The following A2ML1 variants were observed in gnomAD, a reference collection of about 807,000 sequenced individuals.
A2ML1 encodes alpha-2-macroglobulin like 1.
In A2ML1, 161 loss-of-function variants were observed where a neutral mutation model predicts 181.9. The ratio of observed to expected loss-of-function variants is 0.89; its 90% CI spans 0.78 to 1.01. A2ML1 has a LOEUF of 1.01. Among genes scored for constraint, A2ML1 ranks in the 50% least tolerant of loss-of-function variants. The pLI, the probability that A2ML1 is intolerant of heterozygous loss-of-function variation, is 0.00. For synonymous variants in A2ML1, 663 were observed against 666.8 expected, an observed-to-expected ratio of 0.99 and a Z score of 0.09; for missense variants, 1,670 against 1,768.1, an observed-to-expected ratio of 0.94 and a Z score of 1.00.
Position 8,823,269 on chromosome 12 carries a change from T to C in A2ML1, c.150T>C (p.Val50=), listed in dbSNP as rs1347085874. 1 of 1,614,160 alleles carries C rather than the reference T, an allele frequency of 6.2e-7. No homozygotes were observed. The highest frequency in any genetic ancestry group is 2.2e-5 in the East Asian group (1 of 44,876). The change falls in exon 2 of 36, where the codon GTT becomes GTC. Residue 50 remains valine (V), a synonymous_variant. Transcript: ENST00000299698. ...CLDLSPGYSD[V]KFTVTLETKD... is the part of the protein sequence containing the mutation. ...ACCTGAGCCCTGGGTACAGTGATGTTAAATTCACGGTTACTCTGGAGACCA... is the reference window on the plus strand; with the variant it reads ...ACCTGAGCCCTGGGTACAGTGATGTCAAATTCACGGTTACTCTGGAGACCA...
chr12:8,854,385 T>C, intron 21 of A2ML1, 136 bp downstream of exon 21: 1 of 1,355,808 alleles, frequency 7.4e-7, no homozygotes. Flanking sequence ...CCCTGGCCCC[T>C]TGAACATTTG....
intron 32 of A2ML1, 117 bp downstream of exon 32, chr12:8,868,744 A>G: frequency 2.8e-6 from 2 of 701,866 alleles, no homozygotes; most frequent in South Asian, 1.9e-5. Context: ...CAAGGCATGT[A>G]TATACATACA....
chr12:8,851,002 G>A (rs1051097789), intron 18 of A2ML1, among the ~76,000 whole-genome samples: 1 of 152,202 alleles, frequency 6.6e-6, no homozygotes, highest in Non-Finnish European at 1.5e-5. Context: ...GCCTCCCAAA[G>A]TGTTGGGATT....
At chr12:8,854,895 C>CGT (rs1334380097) in intron 22 of A2ML1, 64 bp downstream of exon 22, 4 of 1,225,786 alleles carry the variant, frequency 3.3e-6, no homozygotes, top group Non-Finnish European at 3.4e-6. Context: ...ATTTTCTTTT[C>CGT]ATTTTTTTTT....
At chr12:8,868,763 T>C in intron 32 of A2ML1, 136 bp downstream of exon 32, 1 of 648,944 alleles carries the variant, frequency 1.5e-6, no homozygotes, top group Non-Finnish European at 2.6e-6. Flanking sequence ...CATATATATG[T>C]ATGTATATGT....
intron 7 of A2ML1, among the ~76,000 whole-genome samples, chr12:8,883,388 G>A (rs902498504): frequency 8.5e-5 from 13 of 152,152 alleles, no homozygotes; most frequent in Admixed American, 5.2e-4. Context: ...TCTCAGAATC[G>A]CTTGCAGTTA....
At chr12:8,860,551 C>T (rs1196793521) in intron 26 of A2ML1, among the ~76,000 whole-genome samples, 2 of 152,090 alleles carry the variant, frequency 1.3e-5, no homozygotes, top group African/African-American at 4.8e-5. Flanking sequence ...GGTGATGCGG[C>T]AGATTCTCTC....
At position 8,886,010 on chromosome 12, in the gene A2ML1, T is replaced by TCTCACACA. The variant is rs71451992; in HGVS notation, c.*95-496_*95-495insTCACACAC. Among the ~76,000 whole-genome samples the TCTCACACA allele has an allele frequency of 3.5e-3, 509 of 144,998 alleles. 2 individuals carry two copies. Among genetic ancestry groups the TCTCACACA allele is most frequent in the African/African-American group, 0.012 (476 of 39,224 alleles). The stretch of plus-strand genomic sequence containing the variant: ...ACTTCGCCTATCCTTCAACAATATC[T>TCTCACACA]CACACACACACACACACACACACAC... On this transcript the variant is annotated intron_variant and NMD_transcript_variant, in intron 7 of 7. Transcript: ENST00000537475.
intron 15 of A2ML1, among the ~76,000 whole-genome samples, 199 bp from the exon 16 acceptor site, chr12:8,848,521 T>A (rs892505578): frequency 3.8e-4 from 58 of 151,804 alleles, no homozygotes; most frequent in Non-Finnish European, 1.2e-4. Flanking sequence ...GGGATAGGAT[T>A]ATGAAAAAAT....
chr12:8,884,992 A>G (rs970197206), intron 7 of A2ML1, among the ~76,000 whole-genome samples: 1 of 152,194 alleles, frequency 6.6e-6, no homozygotes, highest in Non-Finnish European at 1.5e-5. Context: ...ATTTGCATGC[A>G]TGTGTCTTTA....
At chr12:8,850,508 G>A (rs1275889809) in intron 18 of A2ML1, among the ~76,000 whole-genome samples, 2 of 152,164 alleles carry the variant, frequency 1.3e-5, no homozygotes, top group African/African-American at 4.8e-5. Context: ...GGGAGGTGGA[G>A]GCTGCAGTGA....
intron 3 of A2ML1, among the ~76,000 whole-genome samples, chr12:8,825,910 C>T (rs1008248404): frequency 2.0e-5 from 3 of 151,962 alleles, no homozygotes; most frequent in Non-Finnish European, 4.4e-5. Context: ...TCACCCTAGA[C>T]ATGTTTCTGG....
rs757038386 is a variant in A2ML1 at position 8,837,535 on chromosome 12, T to A, written c.824T>A (p.Leu275His). 6.2e-7 allele frequency: 1 copy of A among 1,613,858 alleles called. No individual in the cohort carries two copies. The highest frequency in any genetic ancestry group is 2.2e-5 in the East Asian group (1 of 44,848). The change falls in exon 8 of 36, where the codon CTT (leucine) becomes CAT (histidine). Residue 275 changes from leucine to histidine, a missense_variant. Leu to His is a moderately conservative substitution (Grantham distance 99, BLOSUM62 -3). Transcript: ENST00000299698. ...YWYREVEREQLPDKCRNLSGQ... is the reference protein window; with the variant it reads ...YWYREVEREQHPDKCRNLSGQ... ...TATCGAGAGGTGGAACGGGAACAGC[T>A]TCCTGACAAATGCAGGAACCTCTCT...
At chr12:8,854,383 C>T (rs1002602128) in intron 21 of A2ML1, 134 bp downstream of exon 21, 1 of 1,373,692 alleles carries the variant, frequency 7.3e-7, no homozygotes, top group Non-Finnish European at 9.7e-7. Context: ...TTCCCTGGCC[C>T]CTTGAACATT....
intron 23 of A2ML1, 81 bp from the exon 24 acceptor site, chr12:8,857,083 T>G: frequency 7.3e-7 from 1 of 1,368,406 alleles, no homozygotes; most frequent in Non-Finnish European, 1.0e-6. Flanking sequence ...TAATACGTGT[T>G]TGTTCAGTGA....
At chr12:8,833,469 C>T (rs115812257) in intron 4 of A2ML1, among the ~76,000 whole-genome samples, 4,004 of 152,218 alleles carry the variant, frequency 0.026, 112 homozygotes, top group African/African-American at 0.069. Context: ...ATGATCCCGG[C>T]TCAAGCAACC....
In A2ML1 at chr12:8,837,442, A is replaced by G. The variant is rs771484590; in HGVS notation, c.731A>G (p.Tyr244Cys). The change falls in exon 8 of 36, where the codon TAC becomes TGC. Residue 244 changes from tyrosine to cysteine, a missense_variant and splice_region_variant. Coordinates refer to ENST00000299698, the MANE Select transcript of A2ML1 (RefSeq NM_144670.6). The stretch of plus-strand genomic sequence containing the variant: ...CTCCTTATGCTTTTCTTGGTTAGGT[A>G]CACCTATGGAAAGCCCATGCTAGGG... ...ESFLVKICCR[Y>C]TYGKPMLGAV... is the part of the protein sequence containing the mutation. The G allele has an allele frequency of 2.5e-6, 4 of 1,613,682 alleles. No individual in the cohort carries two copies. In the African/African-American group the frequency reaches 5.3e-5, roughly 22 times the overall value.
chr12:8,848,731 GT>G lies in A2ML1; in HGVS notation c.1848del (p.Pro617HisfsTer64). 6.2e-7 allele frequency: 1 copy of G among 1,604,900 alleles called. No individual in the cohort carries two copies. The highest frequency in any genetic ancestry group is 8.5e-7 in the Non-Finnish European group (1 of 1,175,830). On this transcript the variant is annotated frameshift_variant, in exon 16 of 36. Transcript: ENST00000299698. LOFTEE classifies it high-confidence loss of function. The stretch of plus-strand genomic sequence containing the variant: ...CCCTCTTGTCCCAGGTCTATGGGAT[GT>G]TTCCATTCTGGTATGGTCACTACCC... Reference protein sequence around the residue: ...ELSNRSVYGMFPFWYGHYPYQ... With the variant: ...ELSNRSVYGMXPFWYGHYPYQ...
In A2ML1 at chr12:8,841,987, C is replaced by T. The variant is rs368281204; in HGVS notation, c.1248+451C>T. On this transcript the variant is annotated intron_variant, in intron 11 of 35. Transcript: ENST00000299698. ...ATCAAACAGCTACAAACTTCAGTAT[C>T]GTGCAGCAGAAAGCATTCACTGCTT... Among the ~76,000 whole-genome samples, 10 of 152,320 alleles carry T rather than the reference C, an allele frequency of 6.6e-5. No individual in the cohort carries two copies. In the South Asian group the frequency reaches 2.1e-3, roughly 32 times the overall value.
Sources: allele counts gnomAD v4.1 joint callset (sites outside exome capture counted in the v4.1 genomes callset), GRCh38; gene constraint gnomAD v4.1.1; transcripts MANE v1.5; gene names NCBI Gene and HGNC (gene_info 2026-07-23, HGNC 2026-07-21).